FOXP2: variants seen among roughly 807,000 people sequenced by gnomAD.
FOXP2 encodes forkhead box P2.
FOXP2 carries 12 observed loss-of-function variants against 115.8 expected under a neutral mutation model. That is an observed-to-expected ratio of 0.10 (90% confidence interval 0.07 to 0.17). FOXP2 has a LOEUF of 0.17. Ranked by LOEUF, FOXP2 falls within the 10% of genes least tolerant of loss-of-function variation. The probability of loss-of-function intolerance (pLI) is 1.00; values close to 1 mark genes in which losing one functional copy is unlikely to be tolerated. For missense variants in FOXP2, 629 were observed against 843.5 expected (o/e 0.75, Z 3.15); for synonymous variants, 328 against 297.7 (o/e 1.10, Z -1.05).
chr7:114,512,969 C>A lies in FOXP2; in HGVS notation c.169-21648C>A, dbSNP rs562908766. On this transcript the variant is annotated intron_variant, in intron 2 of 16. Coordinates refer to ENST00000350908, the MANE Select transcript of FOXP2 (RefSeq NM_014491.4). ...TGGTGGCACGCACCTGTAGTCCCAGCTAGTCTGGAGGCTGAGGCAGGAGAA... is the reference window on the plus strand; with the variant it reads ...TGGTGGCACGCACCTGTAGTCCCAGATAGTCTGGAGGCTGAGGCAGGAGAA... 2.6e-4 allele frequency among the ~76,000 whole-genome samples: 39 copies of A among 152,198 alleles called. 1 individual carries two copies. Among genetic ancestry groups the A allele is most frequent in the African/African-American group, 9.2e-4 (38 of 41,528 alleles).
chr7:114,692,393 A>G lies in FOXP2; in HGVS notation c.*2467A>G, dbSNP rs1243131356. ...GCACATTATACCAGAAAAACCTCCA[A>G]AACTGCAATTGCTTTGAAAATAGAT... On this transcript the variant is annotated 3_prime_UTR_variant, in exon 17 of 17. Transcript: ENST00000350908. The G allele has an allele frequency of 2.2e-6, 1 of 451,912 alleles. No homozygotes were observed. Among genetic ancestry groups the G allele is most frequent in the Admixed American group, 2.4e-5 (1 of 42,092 alleles). The allele number at this position is 451,912 out of a possible 1,614,324, so 28.0% of individuals were successfully genotyped here. A position where few individuals can be genotyped will look rare whatever the true frequency, so the allele number is the denominator to read the frequency against.
At chr7:114,652,172 A>G in intron 8 of FOXP2, 31 bp from the exon 9 acceptor site, 1 of 1,604,996 alleles carries the variant, frequency 6.2e-7, no homozygotes, top group East Asian at 2.2e-5. Flanking sequence ...ACATCACTTT[A>G]CATTCTGTTT....
intron 8 of FOXP2, chr7:114,645,644 G>A (rs967001953): frequency 1.3e-5 from 2 of 152,038 alleles, no homozygotes; most frequent in African/African-American, 2.4e-5. Context: ...TGAGTGAACT[G>A]TTTCATGCTT....
At chr7:114,480,253 T>C (rs537218817) in intron 2 of FOXP2, among the ~76,000 whole-genome samples, 1 of 151,258 alleles carries the variant, frequency 6.6e-6, no homozygotes, top group Non-Finnish European at 1.5e-5. Flanking sequence ...TTTTCTTCTT[T>C]CCCCTGTCCC....
intron 1 of FOXP2, among the ~76,000 whole-genome samples, chr7:114,236,587 G>A (rs568101395): frequency 4.9e-4 from 75 of 152,282 alleles, no homozygotes; most frequent in African/African-American, 1.8e-3. Context: ...ATAAACTGCA[G>A]AAAAGAATAG....
intron 3 of FOXP2, among the ~76,000 whole-genome samples, chr7:114,562,225 C>A (rs949157214): frequency 1.3e-5 from 2 of 152,162 alleles, no homozygotes; most frequent in Admixed American, 6.5e-5. Flanking sequence ...TACTCCTAAG[C>A]AAGCTACTGA....
intron 2 of FOXP2, among the ~76,000 whole-genome samples, chr7:114,440,657 C>T (rs934481744): frequency 9.2e-5 from 14 of 152,132 alleles, no homozygotes; most frequent in Non-Finnish European, 1.8e-4. Flanking sequence ...GATTTTTCTT[C>T]ATGTGACTTA....
intron 8 of FOXP2, chr7:114,645,255 T>C (rs1350528067): frequency 1.3e-5 from 2 of 148,270 alleles, no homozygotes; most frequent in African/African-American, 4.9e-5. Flanking sequence ...GTATTTAGTA[T>C]ATACATGTAA....
At chr7:114,384,434 G>A (rs1012448749) in intron 2 of FOXP2, among the ~76,000 whole-genome samples, 1 of 152,118 alleles carries the variant, frequency 6.6e-6, no homozygotes, top group Non-Finnish European at 1.5e-5. Flanking sequence ...CAAACAGCTC[G>A]CACATTTGAG....
chr7:114,102,192 C>T (rs1323747457), intron 1 of FOXP2, among the ~76,000 whole-genome samples: 1 of 151,824 alleles, frequency 6.6e-6, no homozygotes, highest in African/African-American at 2.4e-5. Context: ...GCTTGTATAA[C>T]TCTTGTGTTT....
chr7:114,251,889 C>T (rs1795454893), intron 1 of FOXP2, among the ~76,000 whole-genome samples: 1 of 152,112 alleles, frequency 6.6e-6, no homozygotes, highest in South Asian at 2.1e-4. Context: ...GGGAATGCTT[C>T]CAGTTTTTGC....
intron 2 of FOXP2, among the ~76,000 whole-genome samples, chr7:114,509,681 C>T (rs979668144): frequency 3.0e-5 from 4 of 134,942 alleles, no homozygotes; most frequent in Admixed American, 7.5e-5. Context: ...GGGGGGGGGG[C>T]TTGTTAATAA....
chr7:114,271,994 A>C (rs1796070277), intron 1 of FOXP2, among the ~76,000 whole-genome samples: 1 of 135,466 alleles, frequency 7.4e-6, no homozygotes, highest in East Asian at 2.1e-4. Context: ...TATAATATAT[A>C]ATATGTAATA....
rs1487791200 is a variant in FOXP2 at position 114,415,334 on chromosome 7, A to G, written c.-37A>G. The G allele has an allele frequency of 4.4e-6, 2 of 452,152 alleles. No homozygotes were observed. Among genetic ancestry groups the G allele is most frequent in the African/African-American group, 4.0e-5 (2 of 49,636 alleles). The allele number at this position is 452,152 out of a possible 1,614,324, so 28.0% of individuals were successfully genotyped here. ...AAACTCCTATGAAGTTGAAACCGGG[A>G]AGTTTGCTCTAACATTTCCAGAGAA... On this transcript the variant is annotated 5_prime_UTR_variant, in exon 1 of 17. Coordinates refer to ENST00000350908, the MANE Select transcript of FOXP2 (RefSeq NM_014491.4).
intron 1 of FOXP2, among the ~76,000 whole-genome samples, chr7:114,218,137 CAT>C (rs1794530631): frequency 6.6e-6 from 1 of 152,104 alleles, no homozygotes; most frequent in Non-Finnish European, 1.5e-5. Context: ...TGCTAACACT[CAT>C]AAACATTGGC....
chr7:114,499,918 T>C (rs1248283069), intron 2 of FOXP2, among the ~76,000 whole-genome samples: 1 of 152,004 alleles, frequency 6.6e-6, no homozygotes, highest in Admixed American at 6.6e-5. Context: ...TAAAATGGAA[T>C]CAAAAATGTA....
At chr7:114,504,075 T>A (rs1797695160) in intron 2 of FOXP2, among the ~76,000 whole-genome samples, 2 of 151,718 alleles carry the variant, frequency 1.3e-5, no homozygotes, top group South Asian at 2.1e-4. Context: ...TTGAAAGCGA[T>A]TGCACAGTTT....
intron 1 of FOXP2, among the ~76,000 whole-genome samples, chr7:114,200,314 T>G (rs1006375585): frequency 1.3e-5 from 2 of 152,174 alleles, no homozygotes; most frequent in Non-Finnish European, 2.9e-5. Flanking sequence ...TTTCCAATCT[T>G]TTTTTTGAGT....
intron 2 of FOXP2, among the ~76,000 whole-genome samples, chr7:114,387,726 T>A (rs1792488348): frequency 6.6e-6 from 1 of 152,208 alleles, no homozygotes; most frequent in African/African-American, 2.4e-5. Flanking sequence ...AAAATTCTTA[T>A]AAATTATTAC....
Sources: gnomAD v4.1 joint callset for allele counts (sites outside exome capture counted in the v4.1 genomes callset) on GRCh38, gnomAD v4.1.1 for gene constraint, MANE v1.5 for transcripts, NCBI Gene and HGNC (gene_info 2026-07-23, HGNC 2026-07-21) for gene names.